Variants in ATM observed in about 807,000 individuals in gnomAD.
ATM encodes serine-protein kinase ATM.
A neutral mutation model predicts 387.0 loss-of-function variants in ATM; 308 were observed. That is an observed-to-expected ratio of 0.80 (90% CI 0.73 to 0.87). The LOEUF is 0.87. Ranked by LOEUF, ATM falls within the 40% of genes least tolerant of loss-of-function variation. The pLI is 0.00. For synonymous variants in ATM, 1,156 were observed against 1,187.3 expected, an observed-to-expected ratio of 0.97 and a Z score of 0.54; for missense variants, 3,312 against 3,560.9, an observed-to-expected ratio of 0.93 and a Z score of 1.78.
chr11:108,260,379 T>G lies in ATM; in HGVS notation c.2466+1304T>G, dbSNP rs77089974. Among the ~76,000 whole-genome samples the G allele has an allele frequency of 3.1e-3, 477 of 152,234 alleles. 1 individual carries two copies. Among genetic ancestry groups the G allele is most frequent in the African/African-American group, 0.011 (460 of 41,538 alleles). ...AATTAACATTTTAAGTGGTTTCTAGTTTTTTGGGTTACAAAGACTTCTGTG... is the reference window on the plus strand; with the variant it reads ...AATTAACATTTTAAGTGGTTTCTAGGTTTTTGGGTTACAAAGACTTCTGTG... On this transcript the variant is annotated intron_variant, in intron 16 of 62. Coordinates refer to ENST00000675843, the MANE Select transcript of ATM (RefSeq NM_000051.4).
chr11:108,293,532 T>A (rs2135815415), intron 31 of ATM, 55 bp downstream of exon 31: 1 of 1,452,442 alleles, frequency 6.9e-7, no homozygotes, highest in Non-Finnish European at 9.6e-7. Context: ...GTAGTACTTT[T>A]CAAAAATCTG....
intron 56 of ATM, among the ~76,000 whole-genome samples, chr11:108,339,434 G>T (rs567754539): frequency 3.3e-5 from 5 of 151,906 alleles, no homozygotes; most frequent in Non-Finnish European, 7.4e-5. Flanking sequence ...GACATTCACT[G>T]AATATAATGA....
intron 26 of ATM, among the ~76,000 whole-genome samples, chr11:108,285,865 A>G (rs1204297856): frequency 6.6e-6 from 1 of 152,152 alleles, no homozygotes; most frequent in African/African-American, 2.4e-5. Context: ...AGCATTCTTA[A>G]TCTTACTATT....
chr11:108,227,453 A>G (rs2078795299), intron 1 of ATM, 142 bp from the exon 2 acceptor site: 1 of 563,372 alleles, frequency 1.8e-6, no homozygotes, highest in Admixed American at 3.2e-5. Context: ...TTTGACCAGA[A>G]TGTGCCTCTA....
In ATM at chr11:108,365,510, C is replaced by G. The variant is rs2137931798; in HGVS notation, c.*2C>G. ...CCAGGATGGAAAGCTTGGGTGTGAT[C>G]TTCAGTATATGAATTACCCTTTCAT... On this transcript the variant is annotated 3_prime_UTR_variant, in exon 63 of 63. Transcript: ENST00000675843. 1 of 1,614,018 alleles carries G rather than the reference C, an allele frequency of 6.2e-7. No homozygotes were observed. The highest frequency in any genetic ancestry group is 8.5e-7 in the Non-Finnish European group (1 of 1,179,936).
intron 16 of ATM, among the ~76,000 whole-genome samples, chr11:108,260,504 T>C (rs2080799809): frequency 6.6e-6 from 1 of 152,228 alleles, no homozygotes. Flanking sequence ...AATGTGAATT[T>C]TACTTTTTGA....
chr11:108,317,652 T>TATATATATATATATACAC (rs1399501257), intron 43 of ATM, 131 bp downstream of exon 43: 4 of 117,454 alleles, frequency 3.4e-5, no homozygotes, highest in African/African-American at 5.1e-5. Flanking sequence ...TATATATATA[T>TATATATATATATATACAC]ACACACACAC....
chr11:108,253,005 A>G (rs1241962924), intron 12 of ATM, 93 bp downstream of exon 12: 1 of 1,131,962 alleles, frequency 8.8e-7, no homozygotes, highest in Non-Finnish European at 1.3e-6. Context: ...CATCTTAATA[A>G]TTGTAAACTA....
intron 8 of ATM, among the ~76,000 whole-genome samples, chr11:108,248,120 TC>T (rs2079945423): frequency 1.3e-5 from 2 of 152,194 alleles, no homozygotes; most frequent in Non-Finnish European, 2.9e-5. Flanking sequence ...TTACCATGAA[TC>T]AGTACTTCAT....
intron 9 of ATM, 132 bp downstream of exon 9, chr11:108,249,234 C>A: frequency 9.6e-7 from 1 of 1,037,320 alleles, no homozygotes; most frequent in Non-Finnish European, 1.5e-6. Context: ...CTATTACTAG[C>A]AAAGGGATAT....
chr11:108,225,137 G>C (rs1455105109), intron 1 of ATM: 1 of 152,154 alleles, frequency 6.6e-6, no homozygotes, highest in Non-Finnish European at 1.5e-5. Flanking sequence ...AAACCTTATG[G>C]TTCTTTGGAT....
rs370602633 is a variant in ATM at position 108,281,157 on chromosome 11, C to T, written c.3565C>T (p.Leu1189Phe). 3 of 1,613,768 alleles carry T rather than the reference C, an allele frequency of 1.9e-6. No individual in the cohort carries two copies. Among genetic ancestry groups the T allele is most frequent in the East Asian group, 2.2e-5 (1 of 44,826 alleles). Residue 1189 changes from leucine to phenylalanine, a missense_variant, in exon 24 of 63, where the codon CTT (leucine) becomes TTT (phenylalanine). Leu to Phe is a conservative substitution (Grantham distance 22, BLOSUM62 0). Transcript: ENST00000675843. ...SVKENGLEPH[L>F]VKKVLEKVSE... ...GAAAGAGAATGGATTAGAACCTCACCTTGTGAAAAAGGTATATATGGATGA... is the reference window on the plus strand; with the variant it reads ...GAAAGAGAATGGATTAGAACCTCACTTTGTGAAAAAGGTATATATGGATGA...
At chr11:108,309,345 A>G (rs1451281774) in intron 38 of ATM, among the ~76,000 whole-genome samples, 2 of 152,194 alleles carry the variant, frequency 1.3e-5, no homozygotes, top group Non-Finnish European at 2.9e-5. Context: ...AATTAACTTT[A>G]GTTGAGTGCT....
chr11:108,235,591 T>A (rs1326490715), intron 4 of ATM, 79 bp from the exon 5 acceptor site: 1 of 1,289,684 alleles, frequency 7.8e-7, no homozygotes, highest in Non-Finnish European at 1.1e-6. Context: ...CCAAATGGAA[T>A]TATTTAAATA....
At chr11:108,334,304 A>G (rs534604865) in intron 54 of ATM, among the ~76,000 whole-genome samples, 16 of 152,256 alleles carry the variant, frequency 1.1e-4, no homozygotes, top group African/African-American at 2.9e-4. Context: ...CAATTGTCAT[A>G]TATTGTTTTT....
At chr11:108,312,247 T>C (rs1332418822) in intron 39 of ATM, among the ~76,000 whole-genome samples, 164 bp from the exon 40 acceptor site, 1 of 152,204 alleles carries the variant, frequency 6.6e-6, no homozygotes, top group Non-Finnish European at 1.5e-5. Context: ...CAAATTCCTT[T>C]TCCATCCTAG....
At position 108,248,984 on chromosome 11, in the gene ATM, A is replaced by T. The variant is rs751092163; in HGVS notation, c.1117A>T (p.Thr373Ser). Residue 373 changes from threonine to serine, a missense_variant, in exon 9 of 63, where the codon ACA becomes TCA. Thr to Ser is a moderately conservative substitution (Grantham distance 58). This residue lies in a region of ATM where 1,791 missense variants were observed against 1,804.5 expected (regional missense o/e 0.99). Coordinates refer to ENST00000675843, the MANE Select transcript of ATM (RefSeq NM_000051.4). Reference sequence around the variant, plus strand: ...GGAGATTTCTCAATCTTACACTACTACACAAAGAGAATCTAGTGATTACAG... The same window carrying T: ...GGAGATTTCTCAATCTTACACTACTTCACAAAGAGAATCTAGTGATTACAG... The part of the protein sequence containing the change: ...SLEISQSYTT[T>S]QRESSDYSVP... 1.2e-6 allele frequency: 2 copies of T among 1,612,936 alleles called. No individual in the cohort carries two copies. Among genetic ancestry groups the T allele is most frequent in the Non-Finnish European group, 1.7e-6 (2 of 1,178,986 alleles).
intron 35 of ATM, among the ~76,000 whole-genome samples, chr11:108,302,005 T>C (rs529308796): frequency 6.6e-6 from 1 of 152,244 alleles, no homozygotes; most frequent in East Asian, 1.9e-4. Context: ...CCTGAGGAAA[T>C]AGTAGTTGAT....
intron 6 of ATM, among the ~76,000 whole-genome samples, chr11:108,244,546 A>G (rs183894728): frequency 6.6e-6 from 1 of 152,304 alleles, no homozygotes; most frequent in Admixed American, 6.5e-5. Flanking sequence ...TTTTTATACA[A>G]TGTTTTAGCA....
Sources: allele counts gnomAD v4.1 joint callset (sites outside exome capture counted in the v4.1 genomes callset), GRCh38; gene constraint gnomAD v4.1.1; regional missense constraint gnomAD v4.1.1; transcripts MANE v1.5; gene names NCBI Gene and HGNC (gene_info 2026-07-23, HGNC 2026-07-21).